PNPO: variants seen among roughly 807,000 people sequenced by gnomAD.
The protein encoded by PNPO is pyridoxamine 5'-phosphate oxidase.
A neutral mutation model predicts 35.0 loss-of-function variants in PNPO; 39 were observed. The observed-to-expected ratio is 1.11, with a 90% confidence interval of 0.86 to 1.45. PNPO has a LOEUF of 1.45. Ranked by LOEUF, PNPO falls within the 40% of genes most tolerant of loss-of-function variation. The pLI, the probability that PNPO is intolerant of heterozygous loss-of-function variation, is 0.00. For synonymous variants in PNPO, 115 were observed against 119.8 expected, an observed-to-expected ratio of 0.96 and a Z score of 0.26; for missense variants, 288 against 340.0, an observed-to-expected ratio of 0.85 and a Z score of 1.20.
chr17:47,944,088 G>A (rs928435555), intron 2 of PNPO, among the ~76,000 whole-genome samples: 1 of 152,298 alleles, frequency 6.6e-6, no homozygotes, highest in South Asian at 2.1e-4. Flanking sequence ...TTTCCTTATA[G>A]TTCTGGTGGC....
At position 47,947,227 on chromosome 17, in the gene PNPO, A is replaced by G. The variant is rs1175068988; in HGVS notation, c.*445A>G. ...CAATAATTTGAAATTTGAACTGGAG[A>G]GATCCAGAACCTTGGGAGTCATTAA... On this transcript the variant is annotated 3_prime_UTR_variant, in exon 7 of 7. Transcript: ENST00000642017. The G allele has an allele frequency of 5.3e-6, 1 of 187,740 alleles. No individual in the cohort carries two copies. The highest frequency in any genetic ancestry group is 1.1e-5 in the Non-Finnish European group (1 of 87,580). 11.6% of individuals were successfully genotyped at this position (187,740 alleles called of 1,614,324 possible).
Position 47,946,728 on chromosome 17 carries a change from G to A in PNPO, c.732G>A (p.Gly244=). The change falls in exon 7 of 7, where the codon GGG becomes GGA. Residue 244 remains glycine (G), a synonymous_variant. Transcript: ENST00000642017. ...TACCCACAGGAGATTCCCCTTTGGG[G>A]CCCATGACCCACCGCGGGGAGGAAG... ...RGLPTGDSPL[G]PMTHRGEEDW... The A allele has an allele frequency of 1.9e-6, 3 of 1,614,158 alleles. No homozygotes were observed. The highest frequency in any genetic ancestry group is 2.2e-5 in the East Asian group (1 of 44,884).
chr17:47,946,501 C>G, intron 6 of PNPO, 108 bp downstream of exon 6: 1 of 1,412,934 alleles, frequency 7.1e-7, no homozygotes, highest in South Asian at 1.2e-5. Flanking sequence ...CCACCCTTGT[C>G]AGATGCATCC....
chr17:47,941,989 C>T, intron 1 of PNPO, 176 bp downstream of exon 1: 6 of 1,338,346 alleles, frequency 4.5e-6, no homozygotes, highest in Non-Finnish European at 5.8e-6. Flanking sequence ...GACATCCCAC[C>T]AGGGGAGGAG....
chr17:47,944,728 A>C lies in PNPO; in HGVS notation c.363+13A>C, dbSNP rs1256179268. 1 of 1,603,894 alleles carries C rather than the reference A, an allele frequency of 6.2e-7. No individual in the cohort carries two copies. Among genetic ancestry groups the C allele is most frequent in the South Asian group, 1.1e-5 (1 of 90,886 alleles). ...AGGAAAAGAGCTGGTGGGTGAAAAG[A>C]GCTAGTAATCTTTCCCAGGGCCTGC... On this transcript the variant is annotated intron_variant, in intron 3 of 6. Transcript: ENST00000642017.
rs1334831303 is a variant in PNPO at position 47,948,467 on chromosome 17, A to G, written c.*1685A>G. ...AAAACCCTGTCTCTACTATGATATG[A>G]ATGCAGCCTGGGCACTGGGAAATTT... On this transcript the variant is annotated 3_prime_UTR_variant, in exon 7 of 7. Coordinates refer to ENST00000642017, the MANE Select transcript of PNPO (RefSeq NM_018129.4). The G allele has an allele frequency of 6.6e-6, 1 of 152,158 alleles. No individual in the cohort carries two copies. Among genetic ancestry groups the G allele is most frequent in the Non-Finnish European group, 1.5e-5 (1 of 68,048 alleles). The allele number at this position is 152,158 out of a possible 1,614,324, so 9.4% of individuals were successfully genotyped here.
At chr17:47,946,527 A>G (rs1271446449) in intron 6 of PNPO, 87 bp from the exon 7 acceptor site, 14 of 1,489,736 alleles carry the variant, frequency 9.4e-6, no homozygotes, top group East Asian at 2.3e-5. Flanking sequence ...ACTTCCTTCA[A>G]GAGGCCCTGG....
Position 47,947,053 on chromosome 17 carries a change from C to T in PNPO, c.*271C>T, listed in dbSNP as rs933774716. ...CCTTGCCTATGATTGATTAGGATAGCTCCCTCTAGGGGTAGCAGCCGGTGT... is the reference window on the plus strand; with the variant it reads ...CCTTGCCTATGATTGATTAGGATAGTTCCCTCTAGGGGTAGCAGCCGGTGT... On this transcript the variant is annotated 3_prime_UTR_variant, in exon 7 of 7. Transcript: ENST00000642017. The T allele has an allele frequency of 4.4e-6, 2 of 453,422 alleles. No individual in the cohort carries two copies. The highest frequency in any genetic ancestry group is 8.1e-6 in the Non-Finnish European group (2 of 246,190). The allele number at this position is 453,422 out of a possible 1,614,324, so 28.1% of individuals were successfully genotyped here. A position where few individuals can be genotyped will look rare whatever the true frequency, so the allele number is the denominator to read the frequency against.
In PNPO at chr17:47,943,450, C is replaced by A. The variant is rs747463195; in HGVS notation, c.263+20C>A. On this transcript the variant is annotated intron_variant, in intron 2 of 6. Transcript: ENST00000642017. ...CACCAGGTGGGCATGGCTGTGGGCC[C>A]CTCTTTGGGTGGATACATATGAACT... The A allele has an allele frequency of 6.2e-7, 1 of 1,612,416 alleles. No homozygotes were observed. Among genetic ancestry groups the A allele is most frequent in the South Asian group, 1.1e-5 (1 of 90,990 alleles).
Position 47,948,456 on chromosome 17 carries a change from A to C in PNPO, c.*1674A>C, listed in dbSNP as rs1256960149. The C allele has an allele frequency of 1.3e-5, 2 of 152,164 alleles. No homozygotes were observed. Among genetic ancestry groups the C allele is most frequent in the Non-Finnish European group, 2.9e-5 (2 of 68,040 alleles). The allele number at this position is 152,164 out of a possible 1,614,324, so 9.4% of individuals were successfully genotyped here. A position where few individuals can be genotyped will look rare whatever the true frequency, so the allele number is the denominator to read the frequency against. ...GCCAGCATGGCAAAACCCTGTCTCT[A>C]CTATGATATGAATGCAGCCTGGGCA... On this transcript the variant is annotated 3_prime_UTR_variant, in exon 7 of 7. Transcript: ENST00000642017.
Position 47,945,978 on chromosome 17 carries a change from C to G in PNPO, c.535C>G (p.Pro179Ala). Residue 179 changes from proline to alanine, a missense_variant, in exon 5 of 7, where the codon CCT (proline) becomes GCT (alanine). By Grantham distance (27) the Pro-to-Ala change is conservative. Coordinates refer to ENST00000642017, the MANE Select transcript of PNPO (RefSeq NM_018129.4). The surrounding 1 kb of genome is among the most constrained non-coding windows in gnomAD (Gnocchi z 4.0). ...GGTCAGCCACCAGAGTTCTGTGATC[C>G]CTGATCGGGAGGTGAGTGGAGCTCC... Reference protein sequence around the residue: ...AVVSHQSSVIPDREYLRKKNE... With the variant: ...AVVSHQSSVIADREYLRKKNE... 4 of 1,613,930 alleles carry G rather than the reference C, an allele frequency of 2.5e-6. No homozygotes were observed. The highest frequency in any genetic ancestry group is 3.4e-6 in the Non-Finnish European group (4 of 1,180,030).
Position 47,946,996 on chromosome 17 carries a change from A to C in PNPO, c.*214A>C, listed in dbSNP as rs1184199953. 5 of 580,658 alleles carry C rather than the reference A, an allele frequency of 8.6e-6. No individual in the cohort carries two copies. The highest frequency in any genetic ancestry group is 1.5e-5 in the Non-Finnish European group (5 of 325,650). 36.0% of individuals were successfully genotyped at this position (580,658 alleles called of 1,614,324 possible). A position where few individuals can be genotyped will look rare whatever the true frequency, so the allele number is the denominator to read the frequency against. ...TGTAATGGTGGCGTAGAGAATCACAAATGGAAAATAATTCCATAATTATTT... is the reference window on the plus strand; with the variant it reads ...TGTAATGGTGGCGTAGAGAATCACACATGGAAAATAATTCCATAATTATTT... On this transcript the variant is annotated 3_prime_UTR_variant, in exon 7 of 7. Transcript: ENST00000642017.
chr17:47,944,552 A>G, intron 2 of PNPO, 64 bp from the exon 3 acceptor site: 1 of 1,261,740 alleles, frequency 7.9e-7, no homozygotes, highest in East Asian at 2.3e-5. Flanking sequence ...TCCTTTGGGG[A>G]GAGGGACTAT....
At position 47,945,575 on chromosome 17, in the gene PNPO, C is replaced by T; in HGVS notation, c.380C>T (p.Ala127Val). The change falls in exon 4 of 7, where the codon GCT (alanine) becomes GTT (valine). Residue 127 changes from alanine to valine, a missense_variant. Coordinates refer to ENST00000642017, the MANE Select transcript of PNPO (RefSeq NM_018129.4). The surrounding 1 kb of genome is among the most constrained non-coding windows in gnomAD (Gnocchi z 4.0). Reference sequence around the variant, plus strand: ...TACTTCTAGGACTCTAATCCCTTTGCTTCCCTTGTCTTCTACTGGGAGCCA... The same window carrying T: ...TACTTCTAGGACTCTAATCCCTTTGTTTCCCTTGTCTTCTACTGGGAGCCA... Reference protein sequence around the residue: ...KGKELDSNPFASLVFYWEPLN... With the variant: ...KGKELDSNPFVSLVFYWEPLN... 2 of 1,613,348 alleles carry T rather than the reference C, an allele frequency of 1.2e-6. No homozygotes were observed. Among genetic ancestry groups the T allele is most frequent in the South Asian group, 2.2e-5 (2 of 91,070 alleles).
At chr17:47,946,514 G>C in intron 6 of PNPO, 100 bp from the exon 7 acceptor site, 1 of 1,457,316 alleles carries the variant, frequency 6.9e-7, no homozygotes, top group Non-Finnish European at 9.6e-7. Context: ...ATGCATCCCA[G>C]CAACTTCCTT....
rs574389648 is a variant in PNPO at position 47,945,579 on chromosome 17, C to A, written c.384C>A (p.Ser128=). 6.2e-7 allele frequency: 1 copy of A among 1,613,608 alleles called. No individual in the cohort carries two copies. Among genetic ancestry groups the A allele is most frequent in the South Asian group, 1.1e-5 (1 of 91,068 alleles). Residue 128 remains serine, a synonymous_variant, in exon 4 of 7, where the codon TCC becomes TCA. Coordinates refer to ENST00000642017, the MANE Select transcript of PNPO (RefSeq NM_018129.4). This position sits in a 1 kb window ranked among gnomAD's most constrained non-coding sequence, Gnocchi z 4.0. ...GKELDSNPFA[S]LVFYWEPLNR... is the part of the protein sequence containing the mutation. The stretch of plus-strand genomic sequence containing the variant: ...TCTAGGACTCTAATCCCTTTGCTTC[C>A]CTTGTCTTCTACTGGGAGCCACTTA...
chr17:47,942,531 G>C (rs961914275), intron 1 of PNPO, among the ~76,000 whole-genome samples: 1 of 152,180 alleles, frequency 6.6e-6, no homozygotes, highest in Non-Finnish European at 1.5e-5. Context: ...AAGGGGACTA[G>C]CTCGGGGAGG....
chr17:47,945,311 C>A lies in PNPO; in HGVS notation c.364-248C>A. The A allele has an allele frequency of 1.9e-6, 1 of 522,220 alleles. No homozygotes were observed. Among genetic ancestry groups the A allele is most frequent in the South Asian group, 2.0e-5 (1 of 49,538 alleles). 32.3% of individuals were successfully genotyped at this position (522,220 alleles called of 1,614,324 possible). A position where few individuals can be genotyped will look rare whatever the true frequency, so the allele number is the denominator to read the frequency against. On this transcript the variant is annotated intron_variant, in intron 3 of 6. Transcript: ENST00000642017. This position sits in a 1 kb window ranked among gnomAD's most constrained non-coding sequence, Gnocchi z 4.0. ...CAAATCTGTGGGTGAGAGAAATCAC[C>A]CAGTCTCACTTTGGAGTCCGACTGG...
At position 47,945,641 on chromosome 17, in the gene PNPO, G is replaced by A. The variant is rs200598922; in HGVS notation, c.417+29G>A. On this transcript the variant is annotated intron_variant, in intron 4 of 6. Transcript: ENST00000642017. The surrounding 1 kb of genome is among the most constrained non-coding windows in gnomAD (Gnocchi z 4.0). The stretch of plus-strand genomic sequence containing the variant: ...AGTGAATTTTCCCAGGACAGCCTGG[G>A]ATGGGCTGGGTTGGCAGGGCCTGAG... 1.7e-3 allele frequency: 2,716 copies of A among 1,593,608 alleles called. 2 individuals carry two copies. Among genetic ancestry groups the A allele is most frequent in the Non-Finnish European group, 2.2e-3 (2,574 of 1,161,268 alleles).
Sources: gnomAD v4.1 joint callset for allele counts (sites outside exome capture counted in the v4.1 genomes callset) on GRCh38, gnomAD v4.1.1 for gene constraint, Gnocchi (gnomAD v3.1) non-coding constraint, MANE v1.5 for transcripts, NCBI Gene and HGNC (gene_info 2026-07-23, HGNC 2026-07-21) for gene names.